Variants in LPP observed in about 807,000 individuals in gnomAD.
LPP encodes the protein LIM domain containing preferred translocation partner in lipoma.
LPP carries 38 observed loss-of-function variants against 60.4 expected under a neutral mutation model. The observed-to-expected ratio is 0.63, with a 90% CI of 0.49 to 0.83. LPP has a LOEUF of 0.83. Among genes scored for constraint, LPP ranks in the 40% least tolerant of loss-of-function variants. The pLI is 0.00. For synonymous variants in LPP, 328 were observed against 290.8 expected (o/e 1.13, Z -1.30); for missense variants, 902 against 783.6 (o/e 1.15, Z -1.80).
At chr3:188,597,309 C>T (rs1840180858) in intron 6 of LPP, among the ~76,000 whole-genome samples, 1 of 152,060 alleles carries the variant, frequency 6.6e-6, no homozygotes, top group Non-Finnish European at 1.5e-5. Context: ...AAAAATTATT[C>T]CCCAAATAGC....
chr3:188,385,347 G>C (rs1445198626), intron 3 of LPP, among the ~76,000 whole-genome samples: 8 of 152,112 alleles, frequency 5.3e-5, no homozygotes, highest in Admixed American at 1.3e-4. Flanking sequence ...GTAAGCGTGT[G>C]GGGGGGTGTG....
chr3:188,222,761 C>A (rs1299757671), intron 1 of LPP, among the ~76,000 whole-genome samples: 1 of 152,084 alleles, frequency 6.6e-6, no homozygotes, highest in African/African-American at 2.4e-5. Context: ...TTGACTTTTC[C>A]TGCCAAGAAT....
chr3:188,529,903 G>A (rs1210390603), intron 6 of LPP, among the ~76,000 whole-genome samples: 2 of 152,182 alleles, frequency 1.3e-5, no homozygotes, highest in Non-Finnish European at 2.9e-5. Context: ...AAATCACCAC[G>A]TGTCAAAATT....
intron 10 of LPP, among the ~76,000 whole-genome samples, chr3:188,870,747 T>A (rs1276460471): frequency 2.0e-5 from 3 of 152,186 alleles, no homozygotes; most frequent in Admixed American, 6.5e-5. Flanking sequence ...CCTCCTCGAA[T>A]TGCTATCGGA....
chr3:188,524,843 T>C (rs916950950), intron 6 of LPP, 56 bp downstream of exon 6: 80 of 1,554,598 alleles, frequency 5.1e-5, no homozygotes, highest in African/African-American at 2.8e-5. Flanking sequence ...TCTACTCTTA[T>C]CAGAAAGAAC....
intron 6 of LPP, among the ~76,000 whole-genome samples, chr3:188,599,830 A>T (rs1209729938): frequency 6.7e-6 from 1 of 150,362 alleles, no homozygotes; most frequent in Admixed American, 6.7e-5. Context: ...AAAAATTAGT[A>T]TTAGTAGTAT....
At chr3:188,849,977 T>G (rs1446594969) in intron 9 of LPP, among the ~76,000 whole-genome samples, 1 of 152,252 alleles carries the variant, frequency 6.6e-6, no homozygotes, top group Non-Finnish European at 1.5e-5. Context: ...CATACTCTGT[T>G]CATTTTAAAA....
At chr3:188,419,671 C>T (rs923009186) in intron 4 of LPP, among the ~76,000 whole-genome samples, 1 of 152,064 alleles carries the variant, frequency 6.6e-6, no homozygotes, top group Non-Finnish European at 1.5e-5. Context: ...GGGTGGATCA[C>T]CTGAGATCAG....
At chr3:188,542,963 C>T (rs1477717578) in intron 6 of LPP, among the ~76,000 whole-genome samples, 4 of 152,106 alleles carry the variant, frequency 2.6e-5, no homozygotes, top group African/African-American at 4.8e-5. Flanking sequence ...TGAAGAAGTC[C>T]GAACAGAGTA....
At chr3:188,702,427 T>C (rs11715384) in intron 7 of LPP, among the ~76,000 whole-genome samples, 8,524 of 151,950 alleles carry the variant, frequency 0.056, 303 homozygotes, top group Non-Finnish European at 0.085. Context: ...TTCTTCCGTC[T>C]CAGAACACTG....
In LPP at chr3:188,609,071, TA is replaced by T; in HGVS notation, c.430-89del. The T allele has an allele frequency of 1.1e-6, 1 of 926,142 alleles. No homozygotes were observed. 57.4% of individuals were successfully genotyped at this position (926,142 alleles called of 1,614,324 possible). On this transcript the variant is annotated intron_variant, in intron 6 of 11. Coordinates refer to ENST00000617246, the MANE Select transcript of LPP (RefSeq NM_001375462.1). This position sits in a 1 kb window ranked among gnomAD's most constrained non-coding sequence, Gnocchi z 6.9. ...ATAGTAATAAATAATAATTAGCAGT[TA>T]TTAATATTTTTCATTTATTCATTTT...
chr3:188,634,009 C>T (rs755479180), intron 7 of LPP, among the ~76,000 whole-genome samples: 6 of 151,052 alleles, frequency 4.0e-5, no homozygotes, highest in East Asian at 3.9e-4. Context: ...ATCAGTCTGT[C>T]GGTCAACACA....
At chr3:188,684,238 G>A (rs1354607284) in intron 7 of LPP, among the ~76,000 whole-genome samples, 3 of 152,010 alleles carry the variant, frequency 2.0e-5, no homozygotes, top group Non-Finnish European at 4.4e-5. Flanking sequence ...GTTTTATCAC[G>A]GACACATCAA....
At chr3:188,732,733 AAAAG>A (rs1560128916) in intron 8 of LPP, among the ~76,000 whole-genome samples, 2 of 151,782 alleles carry the variant, frequency 1.3e-5, no homozygotes, top group Non-Finnish European at 2.9e-5. Flanking sequence ...AAAAAAAAAA[AAAAG>A]AATATCCTAA....
intron 2 of LPP, among the ~76,000 whole-genome samples, chr3:188,332,761 C>T (rs909401405): frequency 2.6e-5 from 4 of 152,068 alleles, no homozygotes; most frequent in African/African-American, 7.2e-5. Flanking sequence ...AGCTTCTTAT[C>T]GGGGAGACAC....
At chr3:188,261,069 T>G (rs1733459709) in intron 2 of LPP, among the ~76,000 whole-genome samples, 1 of 152,034 alleles carries the variant, frequency 6.6e-6, no homozygotes, top group African/African-American at 2.4e-5. Flanking sequence ...CGAGACTCCA[T>G]GTTAAAAAAA....
At chr3:188,479,529 GT>G (rs1804177080) in intron 4 of LPP, among the ~76,000 whole-genome samples, 1 of 152,182 alleles carries the variant, frequency 6.6e-6, no homozygotes, top group Non-Finnish European at 1.5e-5. Context: ...AATTGAATGG[GT>G]TTTTATTTTT....
chr3:188,484,330 C>T (rs75702877), intron 4 of LPP, among the ~76,000 whole-genome samples: 2,073 of 152,272 alleles, frequency 0.014, 46 homozygotes, highest in African/African-American at 0.047. Context: ...CACCCAAGCT[C>T]ATTCTTCGCT....
At position 188,763,196 on chromosome 3, in the gene LPP, T is replaced by C. The variant is rs1359745925; in HGVS notation, c.1410+2914T>C. ...CTGTTGAAAACTGATGTCTAAAAGG[T>C]ATTCCATACAAACCAGAGCAAACCT... On this transcript the variant is annotated intron_variant, in intron 9 of 11. Coordinates refer to ENST00000617246, the MANE Select transcript of LPP (RefSeq NM_001375462.1). 2.0e-5 allele frequency among the ~76,000 whole-genome samples: 3 copies of C among 152,114 alleles called. No individual in the cohort carries two copies. The East Asian group carries it at 5.8e-4, about 29-fold the overall frequency.
Sources: gnomAD v4.1 joint callset for allele counts (sites outside exome capture counted in the v4.1 genomes callset) on GRCh38, gnomAD v4.1.1 for gene constraint, Gnocchi (gnomAD v3.1) non-coding constraint, MANE v1.5 for transcripts, NCBI Gene and HGNC (gene_info 2026-07-23, HGNC 2026-07-21) for gene names.